CFAP70: variants seen among roughly 807,000 people sequenced by gnomAD.
CFAP70 encodes the protein cilia- and flagella-associated protein 70.
Under a neutral mutation model 137.6 loss-of-function variants are expected in CFAP70, and 81 were observed. The ratio of observed to expected loss-of-function variants is 0.59; its 90% CI spans 0.49 to 0.71. The LOEUF is 0.71. Among genes scored for constraint, CFAP70 ranks in the 30% least tolerant of loss-of-function variants. CFAP70 has a pLI of 0.00. For missense variants in CFAP70, 976 were observed against 1,226.7 expected (o/e 0.80, Z 3.05); for synonymous variants, 382 against 423.6 (o/e 0.90, Z 1.20).
chr10:73,356,737 T>C (rs902325646), intron 1 of CFAP70, among the ~76,000 whole-genome samples: 3 of 152,234 alleles, frequency 2.0e-5, no homozygotes, highest in African/African-American at 7.2e-5. Context: ...CTTTGTCAAA[T>C]GTACATTTGA....
At chr10:73,317,043 TGAGA>T (rs1022601330) in intron 9 of CFAP70, among the ~76,000 whole-genome samples, 14 of 152,182 alleles carry the variant, frequency 9.2e-5, no homozygotes, top group Non-Finnish European at 1.9e-4. Context: ...TTTCTTTTAT[TGAGA>T]GAGAGTCTCA....
chr10:73,270,704 T>G (rs1372320679), intron 24 of CFAP70, among the ~76,000 whole-genome samples: 1 of 150,372 alleles, frequency 6.7e-6, no homozygotes. Flanking sequence ...CCCAGCTAAT[T>G]TTTGTATTTT....
intron 26 of CFAP70, among the ~76,000 whole-genome samples, chr10:73,255,372 G>A (rs1340230288): frequency 6.6e-6 from 1 of 152,008 alleles, no homozygotes; most frequent in African/African-American, 2.4e-5. Flanking sequence ...TCCAGCCTGG[G>A]AGACAGAGCA....
exon 18 of CFAP70, chr10:73,291,733 C>A (rs1320242719): frequency 6.2e-7 from 1 of 1,614,118 alleles, no homozygotes; most frequent in Non-Finnish European, 8.5e-7. Flanking sequence ...AACAGGACAG[C>A]CAGGACACCA....
intron 1 of CFAP70, among the ~76,000 whole-genome samples, chr10:73,356,607 A>G (rs549703706): frequency 2.0e-5 from 3 of 152,360 alleles, no homozygotes; most frequent in East Asian, 3.9e-4. Context: ...TTCAGACTTT[A>G]TAATTATCCT....
chr10:73,340,181 G>A (rs1054876866), intron 6 of CFAP70, among the ~76,000 whole-genome samples: 1 of 152,160 alleles, frequency 6.6e-6, no homozygotes, highest in African/African-American at 2.4e-5. Context: ...CCTCTCCACA[G>A]GCAGGGCGTC....
At chr10:73,276,106 T>C (rs912466967) in intron 21 of CFAP70, 13 of 103,706 alleles carry the variant, frequency 1.3e-4, no homozygotes. Flanking sequence ...TTGTATTTTG[T>C]TTTTTTTTTT....
intron 2 of CFAP70, among the ~76,000 whole-genome samples, chr10:73,353,976 G>A (rs1403884398): frequency 6.6e-6 from 1 of 152,186 alleles, no homozygotes; most frequent in African/African-American, 2.4e-5. Flanking sequence ...CATTTATTGT[G>A]TTTCACCTAA....
At chr10:73,306,870 G>A (rs2049423733) in intron 12 of CFAP70, among the ~76,000 whole-genome samples, 4 of 152,102 alleles carry the variant, frequency 2.6e-5, no homozygotes, top group Admixed American at 2.6e-4. Flanking sequence ...TGAAATGACA[G>A]GACACTAGTC....
Position 73,356,029 on chromosome 10 carries a change from T to C in CFAP70, c.-39-1194A>G, listed in dbSNP as rs995688649. Among the ~76,000 whole-genome samples, 3 of 152,112 alleles carry C rather than the reference T, an allele frequency of 2.0e-5. No individual in the cohort carries two copies. In the East Asian group the frequency reaches 5.8e-4, roughly 29 times the overall value. ...TTAACTTCTCAGTTTTACAAAAATATATTTTGAGAGCAGGAAAGAAGCAGC... is the reference window on the plus strand; with the variant it reads ...TTAACTTCTCAGTTTTACAAAAATACATTTTGAGAGCAGGAAAGAAGCAGC... On this transcript the variant is annotated intron_variant, in intron 1 of 26. Transcript: ENST00000310715.
At chr10:73,323,119 G>C in intron 8 of CFAP70, 22 bp from the exon 10 acceptor site, 1 of 1,599,322 alleles carries the variant, frequency 6.3e-7, no homozygotes. Flanking sequence ...AAACCAGAGA[G>C]TTGTTAGTGC....
Position 73,271,720 on chromosome 10 carries a change from G to T in CFAP70, c.2925+1208C>A, listed in dbSNP as rs368219877. Among the ~76,000 whole-genome samples, 4 of 151,956 alleles carry T rather than the reference G, an allele frequency of 2.6e-5. No individual in the cohort carries two copies. In the East Asian group the frequency reaches 7.8e-4, roughly 30 times the overall value. On this transcript the variant is annotated intron_variant, in intron 24 of 26. Coordinates refer to ENST00000310715, the Ensembl canonical transcript of CFAP70. ...TTTGTCTATTTATTTTTAGAGGTGA[G>T]GTTTTGCTCTGTCACCCAGCCTGGA...
At chr10:73,293,220 T>G in intron 16 of CFAP70, 43 bp downstream of exon 17, 1 of 1,566,342 alleles carries the variant, frequency 6.4e-7, no homozygotes, top group Non-Finnish European at 8.6e-7. Flanking sequence ...ATGCCCATAT[T>G]TCACAAATAA....
chr10:73,262,061 G>T (rs2045303196), intron 25 of CFAP70, among the ~76,000 whole-genome samples: 1 of 128,110 alleles, frequency 7.8e-6, no homozygotes, highest in African/African-American at 3.1e-5. Flanking sequence ...TATTATATAT[G>T]TATATATGTA....
chr10:73,291,151 A>T (rs188669060), intron 19 of CFAP70, 75 bp downstream of exon 20: 1 of 1,340,334 alleles, frequency 7.5e-7, no homozygotes, highest in African/African-American at 1.4e-5. Flanking sequence ...GGTTGCTAGG[A>T]CTACAGGTGT....
At chr10:73,335,689 G>A (rs1361097736) in intron 6 of CFAP70, among the ~76,000 whole-genome samples, 165 bp from the exon 8 acceptor site, 2 of 151,568 alleles carry the variant, frequency 1.3e-5, no homozygotes, top group African/African-American at 4.8e-5. Flanking sequence ...TTAAAATTAT[G>A]AGTACTTTAT....
At chr10:73,258,820 GC>G (rs2044811386) in intron 25 of CFAP70, among the ~76,000 whole-genome samples, 1 of 152,068 alleles carries the variant, frequency 6.6e-6, no homozygotes, top group Admixed American at 6.6e-5. Flanking sequence ...TTCCTGTAGC[GC>G]CCCCAGGCTT....
At chr10:73,330,401 G>C (rs1180967835) in intron 8 of CFAP70, among the ~76,000 whole-genome samples, 5 of 144,652 alleles carry the variant, frequency 3.5e-5, no homozygotes, top group African/African-American at 1.3e-4. Flanking sequence ...AGTGAGCCAA[G>C]ATTGTGCCAC....
chr10:73,327,287 A>G (rs1239048834), intron 8 of CFAP70, among the ~76,000 whole-genome samples: 1 of 150,260 alleles, frequency 6.7e-6, no homozygotes, highest in Non-Finnish European at 1.5e-5. Context: ...AAATTCAACA[A>G]CCCTTCATGC....
Sources: gnomAD v4.1 joint callset for allele counts (sites outside exome capture counted in the v4.1 genomes callset) on GRCh38, gnomAD v4.1.1 for gene constraint, MANE v1.5 for transcripts, NCBI Gene and HGNC (gene_info 2026-07-23, HGNC 2026-07-21) for gene names.